Variants in CYP2D6 observed in about 807,000 individuals in gnomAD.
CYP2D6 encodes cytochrome P450 2D6.
In CYP2D6, 51 loss-of-function variants were observed where a neutral mutation model predicts 43.5. The observed-to-expected ratio is 1.17, with a 90% CI of 0.94 to 1.48. The LOEUF (loss-of-function observed/expected upper bound fraction) is 1.48. Among genes scored for constraint, CYP2D6 ranks in the 40% most tolerant of loss-of-function variants. The pLI is 0.00. For synonymous variants in CYP2D6, 346 were observed against 297.1 expected (o/e 1.16, Z -1.69); for missense variants, 698 against 688.0 (o/e 1.01, Z -0.16).
chr22:42,128,950 G>T lies in CYP2D6; in HGVS notation c.506-6C>A, dbSNP rs1201123282. On this transcript the variant is annotated splice_region_variant and splice_polypyrimidine_tract_variant and intron_variant, in intron 3 of 8. Transcript: ENST00000645361. ...GTTGGGGCGAAAGGGGCGTCCTGGG[G>T]GTGGGAGATGCGGGTAAGGGGTCGC... The T allele has an allele frequency of 2.5e-6, 4 of 1,584,100 alleles. No individual in the cohort carries two copies. Among genetic ancestry groups the T allele is most frequent in the East Asian group, 2.3e-5 (1 of 43,540 alleles).
At chr22:42,129,383 T>A in intron 2 of CYP2D6, 198 bp from the exon 3 acceptor site, 1 of 855,922 alleles carries the variant, frequency 1.2e-6, no homozygotes, top group Non-Finnish European at 1.9e-6. Flanking sequence ...CTGCCCACCC[T>A]GACCGCCTTT....
rs2146945007 is a variant in CYP2D6, at chr22:42,130,764, C to T, written c.28G>A (p.Ala10Thr). ...AGCAGGAAGATGGCCACTATCACGGCCAGGGGCACCAGTGCTTCTAGCCCC... is the reference window on the plus strand; with the variant it reads ...AGCAGGAAGATGGCCACTATCACGGTCAGGGGCACCAGTGCTTCTAGCCCC... MGLEALVPL[A>T]VIVAIFLLLV... Residue 10 changes from alanine (A) to threonine (T), a missense_variant, in exon 1 of 9, where the codon GCC (alanine) becomes ACC (threonine). Transcript: ENST00000645361. The T allele has an allele frequency of 1.9e-6, 3 of 1,583,248 alleles. No homozygotes were observed. Among genetic ancestry groups the T allele is most frequent in the Non-Finnish European group, 2.6e-6 (3 of 1,163,688 alleles).
chr22:42,128,402 G>C, intron 4 of CYP2D6, 52 bp from the exon 5 acceptor site: 1 of 1,590,368 alleles, frequency 6.3e-7, no homozygotes, highest in Non-Finnish European at 8.6e-7. Context: ...GCGTTCACCT[G>C]GACAAGTCTC....
In CYP2D6 at chr22:42,128,227, G is replaced by C; in HGVS notation, c.790C>G (p.Pro264Ala). Residue 264 changes from proline to alanine, a missense_variant, in exon 5 of 9, where the codon CCA (proline) becomes GCA (alanine). Pro to Ala is a conservative substitution (Grantham distance 27). Around this residue, in one of 5 missense-constraint regions of CYP2D6, gnomAD observed 588 missense variants for 521.1 expected, o/e 1.13. Coordinates refer to ENST00000645361, the MANE Select transcript of CYP2D6 (RefSeq NM_000106.6). Reference sequence around the variant, plus strand: ...GTCAGGTCTCGGGGGGGCTGGGCTGGGTCCCAGGTCATCCTGTGCTCAGTT... The same window carrying C: ...GTCAGGTCTCGGGGGGGCTGGGCTGCGTCCCAGGTCATCCTGTGCTCAGTT... Reference protein sequence around the residue: ...LLTEHRMTWDPAQPPRDLTEA... With the variant: ...LLTEHRMTWDAAQPPRDLTEA... 1 of 1,610,108 alleles carries C rather than the reference G, an allele frequency of 6.2e-7. No homozygotes were observed. Among genetic ancestry groups the C allele is most frequent in the Non-Finnish European group, 8.5e-7 (1 of 1,177,816 alleles).
At position 42,128,157 on chromosome 22, in the gene CYP2D6, G is replaced by C. The variant is rs375372852; in HGVS notation, c.843+17C>G. 6 of 1,597,348 alleles carry C rather than the reference G, an allele frequency of 3.8e-6. No homozygotes were observed. Among genetic ancestry groups the C allele is most frequent in the East Asian group, 4.5e-5 (2 of 44,314 alleles). ...CAACCCACCACCCTTGCCCCCCACC[G>C]TGGCAGCCACTCTCACCTTCTCCAT... On this transcript the variant is annotated intron_variant, in intron 5 of 8. Transcript: ENST00000645361.
chr22:42,129,291 C>G (rs566717724), intron 2 of CYP2D6, 106 bp from the exon 3 acceptor site: 2 of 1,408,762 alleles, frequency 1.4e-6, no homozygotes, highest in African/African-American at 1.4e-5. Context: ...GTCCCTGGCT[C>G]TGTCCAGCTG....
chr22:42,129,536 A>T (rs1334275552), intron 2 of CYP2D6: 4 of 785,022 alleles, frequency 5.1e-6, no homozygotes, highest in African/African-American at 1.7e-5. Flanking sequence ...AGGTCTCGGC[A>T]GTGGCCCCGC....
At chr22:42,127,707 A>G (rs1931164842) in intron 6 of CYP2D6, 73 bp from the exon 7 acceptor site, 7 of 1,571,766 alleles carry the variant, frequency 4.5e-6, no homozygotes, top group South Asian at 4.4e-5. Context: ...CTTGCCTCCT[A>G]TGTTGGAGGA....
intron 2 of CYP2D6, chr22:42,129,397 C>G: frequency 1.2e-6 from 1 of 826,178 alleles, no homozygotes; most frequent in Non-Finnish European, 2.0e-6. Context: ...CGCCTTTGCA[C>G]TCAGGGAAGA....
intron 7 of CYP2D6, among the ~76,000 whole-genome samples, 198 bp from the exon 8 acceptor site, chr22:42,127,190 C>A (rs1459230903): frequency 6.6e-6 from 1 of 151,218 alleles, no homozygotes; most frequent in Non-Finnish European, 1.5e-5. Context: ...ACCCACACTG[C>A]CCCCTCTCCC....
chr22:42,130,594 C>T lies in CYP2D6; in HGVS notation c.180+18G>A, dbSNP rs201475960. The T allele has an allele frequency of 3.5e-4, 552 of 1,569,924 alleles. 26 individuals carry two copies. Among genetic ancestry groups the T allele is most frequent in the Non-Finnish European group, 4.4e-4 (509 of 1,153,534 alleles). On this transcript the variant is annotated intron_variant, in intron 1 of 8. Transcript: ENST00000645361. ...GAGCCTCAGCACCTCTGCCGCCCTC[C>T]AGGACCTCCTCCCTCACCTGGTCGA...
Position 42,129,180 on chromosome 22 carries a change from A to T in CYP2D6, c.358T>A (p.Phe120Ile), listed in dbSNP as rs1135822. Residue 120 changes from phenylalanine to isoleucine, a missense_variant, in exon 3 of 9, where the codon TTC becomes ATC. By Grantham distance (21) the Phe-to-Ile change is conservative. Around this residue, in one of 5 missense-constraint regions of CYP2D6, gnomAD observed 588 missense variants for 521.1 expected, o/e 1.13. Coordinates refer to ENST00000645361, the MANE Select transcript of CYP2D6 (RefSeq NM_000106.6). Reference protein sequence around the residue: ...LGFGPRSQGVFLARYGPAWRE... With the variant: ...LGFGPRSQGVILARYGPAWRE... ...CACGCGGGCCCATAGCGCGCCAGGA[A>T]CACCCCTGGGGGTGGGACGGGCACG... 5.0e-4 allele frequency: 801 copies of T among 1,604,188 alleles called. 30 individuals carry two copies. In the East Asian group the frequency reaches 8.8e-3, roughly 18 times the overall value.
In CYP2D6 at chr22:42,127,847, A is replaced by C; in HGVS notation, c.980T>G (p.Val327Gly). 8 of 1,610,696 alleles carry C rather than the reference A, an allele frequency of 5.0e-6. No individual in the cohort carries two copies. Among genetic ancestry groups the C allele is most frequent in the Non-Finnish European group, 5.1e-6 (6 of 1,177,980 alleles). ...GLLLMILHPD[V>G]QRRVQQEIDD... ...TGTTTCCCAGATGGGCTCACGCTGC[A>C]CATCCGGATGTAGGATCATGAGCAG... is the stretch of plus-strand genomic sequence containing the variant. The change falls in exon 6 of 9, where the codon GTG becomes GGG. Residue 327 changes from valine (V) to glycine (G), a missense_variant. Val to Gly is a moderately radical substitution (Grantham distance 109, BLOSUM62 -3). This residue lies in a region of CYP2D6 where 588 missense variants were observed against 521.1 expected (regional missense o/e 1.13). Transcript: ENST00000645361.
intron 2 of CYP2D6, 193 bp from the exon 3 acceptor site, chr22:42,129,378 C>T: frequency 1.1e-6 from 1 of 876,326 alleles, no homozygotes. Flanking sequence ...CGTCTCTGCC[C>T]ACCCTGACCG....
intron 4 of CYP2D6, 126 bp downstream of exon 4, chr22:42,128,658 G>A: frequency 8.8e-7 from 1 of 1,131,600 alleles, no homozygotes; most frequent in South Asian, 1.3e-5. Flanking sequence ...TTCTTACAGT[G>A]GGGTCTCCTG....
Position 42,128,801 on chromosome 22 carries a change from A to C in CYP2D6, c.649T>G (p.Ser217Ala). ...CTCCGCACCTCGCGCAGAAAGCCCG[A>C]CTCCTCCTTCAGTCCCTCCTGAGCT... ...DLAQEGLKEE[S>A]GFLREVLNAV... is the part of the protein sequence containing the mutation. The change falls in exon 4 of 9, where the codon TCG becomes GCG. Residue 217 changes from serine (S) to alanine (A), a missense_variant. Ser to Ala is a moderately conservative substitution (Grantham distance 99). Around this residue, in one of 5 missense-constraint regions of CYP2D6, gnomAD observed 588 missense variants for 521.1 expected, o/e 1.13. Coordinates refer to ENST00000645361, the MANE Select transcript of CYP2D6 (RefSeq NM_000106.6). 3 of 1,605,822 alleles carry C rather than the reference A, an allele frequency of 1.9e-6. No individual in the cohort carries two copies. The highest frequency in any genetic ancestry group is 1.1e-5 in the South Asian group (1 of 90,092).
In CYP2D6 at chr22:42,130,769, G is replaced by T. The variant is rs1275370019; in HGVS notation, c.23C>A (p.Pro8His). The change falls in exon 1 of 9, where the codon CCC becomes CAC. Residue 8 changes from proline (P) to histidine (H), a missense_variant. This residue lies in a region of CYP2D6 where 588 missense variants were observed against 521.1 expected (regional missense o/e 1.13). Transcript: ENST00000645361. MGLEALVPLAVIVAIFLL... is the reference protein window; with the variant it reads MGLEALVHLAVIVAIFLL... ...GAAGATGGCCACTATCACGGCCAGG[G>T]GCACCAGTGCTTCTAGCCCCATACC... is the stretch of plus-strand genomic sequence containing the variant. 5 of 1,581,638 alleles carry T rather than the reference G, an allele frequency of 3.2e-6. 1 individual carries two copies. The highest frequency in any genetic ancestry group is 4.3e-6 in the Non-Finnish European group (5 of 1,162,926).
In CYP2D6 at chr22:42,129,823, C is replaced by T. The variant is rs753670847; in HGVS notation, c.267G>A (p.Glu89=). The change falls in exon 2 of 9, where the codon GAG becomes GAA. Residue 89 remains glutamate, a synonymous_variant. Transcript: ENST00000645361. ...TGTCCTCGCCGTGGGTCACCAGCGCCTCGCGCACGGCCGCCAGCCCATTGA... is the reference window on the plus strand; with the variant it reads ...TGTCCTCGCCGTGGGTCACCAGCGCTTCGCGCACGGCCGCCAGCCCATTGA... ...VVLNGLAAVR[E]ALVTHGEDTA... 19 of 1,601,224 alleles carry T rather than the reference C, an allele frequency of 1.2e-5. No homozygotes were observed. The highest frequency in any genetic ancestry group is 1.7e-4 in the Middle Eastern group (1 of 6,056).
chr22:42,128,759 G>A (rs1476007974), intron 4 of CYP2D6, 25 bp downstream of exon 4: 8 of 1,594,270 alleles, frequency 5.0e-6, no homozygotes, highest in African/African-American at 4.1e-5. Context: ...GCCCTGCAGA[G>A]ACTCCTCGGT....
Sources: gnomAD v4.1 joint callset for allele counts (sites outside exome capture counted in the v4.1 genomes callset) on GRCh38, gnomAD v4.1.1 for gene constraint, gnomAD v4.1.1 regional missense constraint, MANE v1.5 for transcripts, NCBI Gene and HGNC (gene_info 2026-07-23, HGNC 2026-07-21) for gene names.